Variants in WWOX observed in about 807,000 individuals in gnomAD.
WWOX encodes the protein WW domain containing oxidoreductase.
A neutral mutation model predicts 46.2 loss-of-function variants in WWOX; 69 were observed. The ratio of observed to expected loss-of-function variants is 1.49; its 90% CI spans 1.23 to 1.82. The LOEUF (loss-of-function observed/expected upper bound fraction) is 1.82, where lower values mean the gene tolerates loss of function less well. Ranked by LOEUF, WWOX falls within the 40% of genes most tolerant of loss-of-function variation. The pLI, the probability that WWOX is intolerant of heterozygous loss-of-function variation, is 0.00. For synonymous variants in WWOX, 359 were observed against 202.6 expected (o/e 1.77, Z -6.56); for missense variants, 919 against 542.6 (o/e 1.69, Z -6.89).
intron 5 of WWOX, among the ~76,000 whole-genome samples, chr16:78,311,283 G>T (rs1018037762): frequency 6.6e-6 from 1 of 152,134 alleles, no homozygotes. Flanking sequence ...GTAATCCAAG[G>T]CCTGATGTAT....
At chr16:78,604,406 CTT>C (rs1353297682) in intron 8 of WWOX, among the ~76,000 whole-genome samples, 3 of 152,022 alleles carry the variant, frequency 2.0e-5, no homozygotes, top group African/African-American at 7.3e-5. Context: ...TCATGGAGCC[CTT>C]GTACCAAGCA....
rs2085337428 is a variant in WWOX at position 78,510,509 on chromosome 16, G to A, written c.1056+77757G>A. On this transcript the variant is annotated intron_variant, in intron 8 of 8. Coordinates refer to ENST00000566780, the MANE Select transcript of WWOX (RefSeq NM_016373.4). ...ATTACAGTCGTGAGCCACCGTGCCG[G>A]CCACTTTCATCTTTCTGATTAACTG... 3.3e-5 allele frequency among the ~76,000 whole-genome samples: 5 copies of A among 152,024 alleles called. No homozygotes were observed. In the South Asian group the frequency reaches 1.0e-3, roughly 32 times the overall value.
chr16:78,538,926 T>G (rs2043823081), intron 8 of WWOX, among the ~76,000 whole-genome samples: 1 of 152,232 alleles, frequency 6.6e-6, no homozygotes, highest in Admixed American at 6.5e-5. Flanking sequence ...CTGTTGCAAT[T>G]TCTTCCATTA....
At chr16:78,476,605 T>TA (rs1775057161) in intron 8 of WWOX, among the ~76,000 whole-genome samples, 1 of 86,240 alleles carries the variant, frequency 1.2e-5, no homozygotes, top group East Asian at 3.0e-4. Context: ...GAAAATATAA[T>TA]AAAAAATACA....
At chr16:79,099,384 C>G (rs1446894734) in intron 8 of WWOX, among the ~76,000 whole-genome samples, 1 of 152,202 alleles carries the variant, frequency 6.6e-6, no homozygotes, top group Non-Finnish European at 1.5e-5. Context: ...TGACAATTAG[C>G]CTTACTGCCG....
In WWOX at chr16:78,756,979, C is replaced by T. The variant is rs768322676; in HGVS notation, c.1056+324227C>T. 5 of 702,816 alleles carry T rather than the reference C, an allele frequency of 7.1e-6. No individual in the cohort carries two copies. In the South Asian group the frequency reaches 7.4e-5, roughly 10 times the overall value. 43.5% of individuals were successfully genotyped at this position (702,816 alleles called of 1,614,324 possible). ...CATGTTGGGAGGATACTCAAGCATA[C>T]CCGTGTAGAAGAACTGAGCCTCCTG... On this transcript the variant is annotated intron_variant, in intron 8 of 8. Transcript: ENST00000566780.
At chr16:78,224,104 C>T (rs2036975785) in intron 5 of WWOX, among the ~76,000 whole-genome samples, 2 of 152,090 alleles carry the variant, frequency 1.3e-5, no homozygotes, top group Non-Finnish European at 2.9e-5. Flanking sequence ...CCTGGGTTCA[C>T]ACCATTTTCC....
In WWOX at chr16:78,528,480, G is replaced by C. The variant is rs1343365996; in HGVS notation, c.1056+95728G>C. ...TTGTTGCCAGTAAAAACATGAGTCA[G>C]ATTTCATGATTGATTCATGATGACT... is the stretch of plus-strand genomic sequence containing the variant. On this transcript the variant is annotated intron_variant, in intron 8 of 8. Coordinates refer to ENST00000566780, the MANE Select transcript of WWOX (RefSeq NM_016373.4). 2.0e-5 allele frequency among the ~76,000 whole-genome samples: 3 copies of C among 152,024 alleles called. No individual in the cohort carries two copies. The East Asian group carries it at 5.8e-4, about 29-fold the overall frequency.
At chr16:78,980,080 A>G (rs570754876) in intron 8 of WWOX, among the ~76,000 whole-genome samples, 1 of 152,314 alleles carries the variant, frequency 6.6e-6, no homozygotes, top group African/African-American at 2.4e-5. Flanking sequence ...GTAAGCTGAG[A>G]TTGCACCACT....
intron 8 of WWOX, among the ~76,000 whole-genome samples, chr16:78,984,288 G>A (rs1170215470): frequency 2.6e-5 from 4 of 152,088 alleles, no homozygotes; most frequent in Admixed American, 2.6e-4. Context: ...GAATTCTTAG[G>A]AGCTTTATCA....
chr16:78,973,158 C>T (rs924926999), intron 8 of WWOX, among the ~76,000 whole-genome samples: 4 of 152,152 alleles, frequency 2.6e-5, no homozygotes, highest in African/African-American at 7.2e-5. Context: ...ATCTCTGCCA[C>T]GTCCGCCTTT....
rs201616456 is a variant in WWOX at position 78,432,717 on chromosome 16, C to A, written c.1021C>A (p.Leu341Met). 179 of 1,614,170 alleles carry A rather than the reference C, an allele frequency of 1.1e-4. No homozygotes were observed. In the African/African-American group the frequency reaches 2.0e-3, roughly 18 times the overall value. ...IHRSWWVYTL[L>M]FTLARPFTKS... ...TCGCAGCTGGTGGGTGTACACACTG[C>A]TGTTTACCTTGGCGAGGCCTTTCAC... is the stretch of plus-strand genomic sequence containing the variant. The change falls in exon 8 of 9, where the codon CTG becomes ATG. Residue 341 changes from leucine to methionine, a missense_variant. Physicochemically the swap from Leu to Met is conservative, Grantham distance 15. Coordinates refer to ENST00000566780, the MANE Select transcript of WWOX (RefSeq NM_016373.4).
At chr16:78,161,323 C>T (rs1185630505) in intron 4 of WWOX, among the ~76,000 whole-genome samples, 1 of 152,008 alleles carries the variant, frequency 6.6e-6, no homozygotes, top group Non-Finnish European at 1.5e-5. Flanking sequence ...AAATATACCA[C>T]CTTATTATTG....
At chr16:78,865,761 TCCCAGCTAC>T (rs1180825589) in intron 8 of WWOX, among the ~76,000 whole-genome samples, 3 of 152,116 alleles carry the variant, frequency 2.0e-5, no homozygotes, top group Admixed American at 2.0e-4. Flanking sequence ...GTGCCTGTAA[TCCCAGCTAC>T]TCAGGAGACG....
intron 8 of WWOX, among the ~76,000 whole-genome samples, chr16:78,474,477 C>T (rs890349922): frequency 6.6e-6 from 1 of 152,182 alleles, no homozygotes; most frequent in African/African-American, 2.4e-5. Flanking sequence ...GATTTCCACC[C>T]CCTCATCGTG....
intron 8 of WWOX, among the ~76,000 whole-genome samples, chr16:78,792,201 G>A (rs2050621635): frequency 6.6e-6 from 1 of 152,110 alleles, no homozygotes; most frequent in Non-Finnish European, 1.5e-5. Context: ...GGTTTGAGGT[G>A]ACCTTGGCTA....
chr16:79,192,527 G>T (rs1289065375), intron 8 of WWOX, among the ~76,000 whole-genome samples: 1 of 152,172 alleles, frequency 6.6e-6, no homozygotes, highest in Non-Finnish European at 1.5e-5. Flanking sequence ...AAGATGTGAG[G>T]TTGTACCTGG....
In WWOX at chr16:78,404,838, C is replaced by A. The variant is rs922547376; in HGVS notation, c.605+17890C>A. Among the ~76,000 whole-genome samples the A allele has an allele frequency of 2.6e-4, 39 of 152,094 alleles. 1 individual carries two copies. The highest frequency in any genetic ancestry group is 8.8e-5 in the Non-Finnish European group (6 of 68,032). On this transcript the variant is annotated intron_variant, in intron 6 of 8. Coordinates refer to ENST00000566780, the MANE Select transcript of WWOX (RefSeq NM_016373.4). ...GTCCCCAGGAAGCCAGAACACAGGG[C>A]AGTAAAGTGCTGAATGCAAAGGGCA... is the stretch of plus-strand genomic sequence containing the variant.
chr16:79,084,855 A>T (rs781281246), intron 8 of WWOX, among the ~76,000 whole-genome samples: 9 of 152,226 alleles, frequency 5.9e-5, no homozygotes, highest in Non-Finnish European at 1.2e-4. Flanking sequence ...TCAACCTTTC[A>T]TTTGTACATA....
Sources: gnomAD v4.1 joint callset for allele counts (sites outside exome capture counted in the v4.1 genomes callset) on GRCh38, gnomAD v4.1.1 for gene constraint, MANE v1.5 for transcripts, NCBI Gene and HGNC (gene_info 2026-07-23, HGNC 2026-07-21) for gene names.